KIF13A: variants seen among roughly 807,000 people sequenced by gnomAD.
The protein encoded by KIF13A is kinesin family member 13A.
In KIF13A, 79 loss-of-function variants were observed where a neutral mutation model predicts 212.2. The ratio of observed to expected loss-of-function variants is 0.37; its 90% CI spans 0.31 to 0.45. KIF13A has a LOEUF of 0.45. Among genes scored for constraint, KIF13A ranks in the 20% least tolerant of loss-of-function variants. The pLI is 1.00. For synonymous variants in KIF13A, 789 were observed against 808.6 expected, an observed-to-expected ratio of 0.98 and a Z score of 0.41; for missense variants, 1,901 against 2,209.0, an observed-to-expected ratio of 0.86 and a Z score of 2.79.
chr6:17,952,939 AAAG>A (rs1361567140), intron 2 of KIF13A, among the ~76,000 whole-genome samples: 1 of 152,070 alleles, frequency 6.6e-6, no homozygotes, highest in Non-Finnish European at 1.5e-5. Flanking sequence ...AAAAAAAAAA[AAAG>A]AGAAGCGAAG....
chr6:17,788,192 T>C (rs1312198219), intron 26 of KIF13A, among the ~76,000 whole-genome samples: 1 of 152,108 alleles, frequency 6.6e-6, no homozygotes, highest in Non-Finnish European at 1.5e-5. Context: ...ATCGTAGCTA[T>C]TCATTGCAGG....
At chr6:17,800,790 G>A (rs1006137513) in intron 20 of KIF13A, among the ~76,000 whole-genome samples, 5 of 151,964 alleles carry the variant, frequency 3.3e-5, no homozygotes, top group African/African-American at 4.8e-5. Flanking sequence ...TAGTAGAGAC[G>A]GGGTTTCACT....
Position 17,850,561 on chromosome 6 carries a change from C to G in KIF13A, c.583-104G>C. 8.5e-7 allele frequency: 1 copy of G among 1,179,920 alleles called. No homozygotes were observed. The highest frequency in any genetic ancestry group is 1.5e-5 in the African/African-American group (1 of 65,020). The allele number at this position is 1,179,920 out of a possible 1,614,324, so 73.1% of individuals were successfully genotyped here. ...TATGATTCCTCTGATGCCTTTGTCA[C>G]CACCCTTCCATAGAAACCTCCCTGC... On this transcript the variant is annotated intron_variant, in intron 7 of 38. Coordinates refer to ENST00000259711, the MANE Select transcript of KIF13A (RefSeq NM_022113.6). This position sits in a 1 kb window ranked among gnomAD's most constrained non-coding sequence, Gnocchi z 6.2.
rs79838155 is a variant in KIF13A, at chr6:17,926,241, T to C, written c.147-28061A>G. On this transcript the variant is annotated intron_variant, in intron 2 of 38. Coordinates refer to ENST00000259711, the MANE Select transcript of KIF13A (RefSeq NM_022113.6). The surrounding 1 kb of genome is among the most constrained non-coding windows in gnomAD (Gnocchi z 4.3). ...TTATCTGTCTCCTGGTGCATTTCTT[T>C]ATTTTTTTGAGGCAGAGTCTCACTC... Among the ~76,000 whole-genome samples the C allele has an allele frequency of 6.6e-6, 1 of 152,194 alleles. No individual in the cohort carries two copies. The highest frequency in any genetic ancestry group is 1.9e-4 in the East Asian group (1 of 5,202).
chr6:17,836,160 G>T (rs928821819), intron 11 of KIF13A, among the ~76,000 whole-genome samples: 5 of 152,160 alleles, frequency 3.3e-5, no homozygotes, highest in Non-Finnish European at 5.9e-5. Context: ...AATGCAAAAA[G>T]ATTTTGTTTC....
rs150655707 is a variant in KIF13A, at chr6:17,814,944, G to T, written c.2000+2076C>A. ...AAAGAGATAGAAGAAAAGACAGCTG[G>T]GCCCGGGGGACCACTACCACCTAGA... On this transcript the variant is annotated intron_variant, in intron 17 of 38. Transcript: ENST00000259711. Among the ~76,000 whole-genome samples, 305 of 152,302 alleles carry T rather than the reference G, an allele frequency of 2.0e-3. 6 individuals are homozygous for T. In the East Asian group the frequency reaches 0.053, roughly 26 times the overall value.
chr6:17,890,816 A>AATAATAATAATAATG (rs1371836413), intron 3 of KIF13A, among the ~76,000 whole-genome samples: 2 of 148,820 alleles, frequency 1.3e-5, no homozygotes, highest in African/African-American at 2.5e-5. Flanking sequence ...TAATAATAAT[A>AATAATAATAATAATG]ATGTTATTAT....
intron 3 of KIF13A, among the ~76,000 whole-genome samples, chr6:17,875,644 G>A (rs545219854): frequency 3.3e-4 from 50 of 151,938 alleles, no homozygotes; most frequent in Admixed American, 1.2e-3. Flanking sequence ...TAGTAGAGAC[G>A]AGGTCTCACC....
At chr6:17,911,697 TAAA>T (rs34367781) in intron 2 of KIF13A, among the ~76,000 whole-genome samples, 16 of 135,178 alleles carry the variant, frequency 1.2e-4, no homozygotes, top group South Asian at 2.3e-4. Flanking sequence ...GTTAATGGGT[TAAA>T]AAAAAAAAAA....
chr6:17,917,060 C>A (rs779128685), intron 2 of KIF13A, among the ~76,000 whole-genome samples: 2 of 151,854 alleles, frequency 1.3e-5, no homozygotes, highest in Admixed American at 1.3e-4. Flanking sequence ...GACACTGTGC[C>A]CATAACCTTC....
chr6:17,846,190 A>C (rs552115188), intron 9 of KIF13A, among the ~76,000 whole-genome samples: 1 of 151,960 alleles, frequency 6.6e-6, no homozygotes, highest in Admixed American at 6.6e-5. Context: ...TCCTGACTTC[A>C]AGCGAGCCAC....
chr6:17,864,296 T>G (rs866183129), intron 4 of KIF13A, among the ~76,000 whole-genome samples: 41 of 152,206 alleles, frequency 2.7e-4, no homozygotes, highest in African/African-American at 9.6e-4. Flanking sequence ...TTAATAACCA[T>G]GACCACAATG....
intron 2 of KIF13A, among the ~76,000 whole-genome samples, chr6:17,979,391 T>C (rs2150635653): frequency 6.6e-6 from 1 of 152,358 alleles, no homozygotes; most frequent in South Asian, 2.1e-4. Context: ...CTAGCATTCA[T>C]CGATGTTCTT....
At chr6:17,959,786 G>A (rs1263382399) in intron 2 of KIF13A, among the ~76,000 whole-genome samples, 1 of 152,210 alleles carries the variant, frequency 6.6e-6, no homozygotes, top group Non-Finnish European at 1.5e-5. Flanking sequence ...CACTTTGGGA[G>A]GCCGAGGCCG....
rs575825167 is a variant in KIF13A, at chr6:17,939,810, T to C, written c.147-41630A>G. Among the ~76,000 whole-genome samples, 9 of 152,238 alleles carry C rather than the reference T, an allele frequency of 5.9e-5. No individual in the cohort carries two copies. The South Asian group carries it at 1.0e-3, about 18-fold the overall frequency. On this transcript the variant is annotated intron_variant, in intron 2 of 38. Transcript: ENST00000259711. The stretch of plus-strand genomic sequence containing the variant: ...GCTCACGCTTCTAATCCCAGCACTT[T>C]GGGAGGCGGAGGCGGGTGGATGACT...
intron 4 of KIF13A, among the ~76,000 whole-genome samples, chr6:17,864,696 T>C (rs973142896): frequency 3.3e-5 from 5 of 152,174 alleles, no homozygotes; most frequent in African/African-American, 1.2e-4. Flanking sequence ...AAGATCTTGC[T>C]ATGTTGTCTG....
Position 17,794,800 on chromosome 6 carries a change from C to T in KIF13A, c.2943-96G>A, listed in dbSNP as rs1249187642. The T allele has an allele frequency of 1.1e-5, 14 of 1,277,938 alleles. No individual in the cohort carries two copies. Among genetic ancestry groups the T allele is most frequent in the African/African-American group, 1.5e-5 (1 of 67,308 alleles). 79.2% of individuals were successfully genotyped at this position (1,277,938 alleles called of 1,614,324 possible). ...CCATTCACTGAGCACTTACTATGTG[C>T]TAGGCACTGTGCCATTTATCTTGTA... On this transcript the variant is annotated intron_variant, in intron 23 of 38. Transcript: ENST00000259711. This position sits in a 1 kb window ranked among gnomAD's most constrained non-coding sequence, Gnocchi z 4.1.
chr6:17,869,895 C>A (rs1305962415), intron 4 of KIF13A, among the ~76,000 whole-genome samples: 1 of 152,160 alleles, frequency 6.6e-6, no homozygotes, highest in African/African-American at 2.4e-5. Flanking sequence ...ATTCATCGAG[C>A]CTGACAAATA....
chr6:17,835,235 A>AAAAAG, intron 11 of KIF13A, among the ~76,000 whole-genome samples: 2 of 113,042 alleles, frequency 1.8e-5, no homozygotes, highest in Non-Finnish European at 3.6e-5. Flanking sequence ...AAAAAAAAAA[A>AAAAAG]AAAAGAAACA....
Sources: gnomAD v4.1 joint callset for allele counts (sites outside exome capture counted in the v4.1 genomes callset) on GRCh38, gnomAD v4.1.1 for gene constraint, Gnocchi (gnomAD v3.1) non-coding constraint, MANE v1.5 for transcripts, NCBI Gene and HGNC (gene_info 2026-07-23, HGNC 2026-07-21) for gene names.